Variants in ARID1B observed in about 807,000 individuals in gnomAD.
ARID1B encodes the protein AT-rich interactive domain-containing protein 1B.
Under a neutral mutation model 212.3 loss-of-function variants are expected in ARID1B, and 30 were observed. The ratio of observed to expected loss-of-function variants is 0.14; its 90% CI spans 0.11 to 0.19. The LOEUF is 0.19. Ranked by LOEUF, ARID1B falls within the 10% of genes least tolerant of loss-of-function variation. The pLI is 1.00. For missense variants in ARID1B, 2,891 were observed against 3,204.0 expected (o/e 0.90, Z 2.36); for synonymous variants, 1,402 against 1,301.7 (o/e 1.08, Z -1.66).
chr6:156,805,096 C>G (rs1337615562), intron 1 of ARID1B, among the ~76,000 whole-genome samples: 1 of 152,182 alleles, frequency 6.6e-6, no homozygotes, highest in Non-Finnish European at 1.5e-5. Context: ...CTAATTATAA[C>G]TATGCATTTG....
chr6:156,945,642 C>G (rs1158567402), intron 4 of ARID1B, among the ~76,000 whole-genome samples: 1 of 152,120 alleles, frequency 6.6e-6, no homozygotes, highest in African/African-American at 2.4e-5. Flanking sequence ...TGGAATTATG[C>G]TGTACCCGGA....
chr6:156,951,134 T>C (rs572078269), intron 4 of ARID1B, among the ~76,000 whole-genome samples: 35 of 152,212 alleles, frequency 2.3e-4, no homozygotes, highest in Non-Finnish European at 4.8e-4. Context: ...GTGGCCACTT[T>C]TAACTGAAAG....
chr6:157,119,408 C>T (rs1459788724), intron 6 of ARID1B, among the ~76,000 whole-genome samples: 5 of 152,172 alleles, frequency 3.3e-5, no homozygotes, highest in Admixed American at 3.3e-4. Context: ...CTTATCCAGC[C>T]CCGGCTTCCT....
In ARID1B at chr6:156,777,862, GCGGCGA is replaced by G. The variant is rs1429695642; in HGVS notation, c.188_193del (p.Asp63_Gly64del). 3 of 1,343,338 alleles carry G rather than the reference GCGGCGA, an allele frequency of 2.2e-6. No individual in the cohort carries two copies. Among genetic ancestry groups the G allele is most frequent in the Non-Finnish European group, 1.9e-6 (2 of 1,053,900 alleles). 83.2% of individuals were successfully genotyped at this position (1,343,338 alleles called of 1,614,324 possible). Reference sequence around the variant, plus strand: ...GCACCGGGACCCATGCTGGGGGGCGGCGGCGACGGCGGCGGCGGCCTGAACAGTGTG... The same window carrying G: ...GCACCGGGACCCATGCTGGGGGGCGGCGGCGGCGGCGGCCTGAACAGTGTG... On this transcript the variant is annotated inframe_deletion, in exon 1 of 20. Coordinates refer to ENST00000636930, the MANE Select transcript of ARID1B (RefSeq NM_001374828.1).
At chr6:156,928,075 G>A (rs983212761) in intron 3 of ARID1B, among the ~76,000 whole-genome samples, 6 of 152,176 alleles carry the variant, frequency 3.9e-5, no homozygotes, top group Non-Finnish European at 5.9e-5. Flanking sequence ...AGCAGTGGCC[G>A]CATGGCCCAT....
chr6:156,995,283 T>A (rs1778520953), intron 4 of ARID1B, among the ~76,000 whole-genome samples: 1 of 152,258 alleles, frequency 6.6e-6, no homozygotes, highest in South Asian at 2.1e-4. Flanking sequence ...TCTGTTTACC[T>A]GAAAGGTACA....
At chr6:156,816,704 A>G (rs1781987377) in intron 1 of ARID1B, among the ~76,000 whole-genome samples, 1 of 152,098 alleles carries the variant, frequency 6.6e-6, no homozygotes, top group South Asian at 2.1e-4. Flanking sequence ...TGTTCTAGAA[A>G]TGGGTTTGGA....
chr6:156,873,751 C>G (rs769216888), intron 2 of ARID1B, among the ~76,000 whole-genome samples: 21 of 152,188 alleles, frequency 1.4e-4, no homozygotes, highest in Non-Finnish European at 1.5e-4. Context: ...AAGGATGGCC[C>G]GGTCTTCCCC....
At position 156,983,691 on chromosome 6, in the gene ARID1B, G is replaced by A. The variant is rs186067979; in HGVS notation, c.2247+48115G>A. ...GTTCGGTACTTGCTGTTAATGTACT[G>A]TGTGGCCATTTCACAAACCACCTCA... On this transcript the variant is annotated intron_variant, in intron 4 of 19. Transcript: ENST00000636930. Among the ~76,000 whole-genome samples, 666 of 152,258 alleles carry A rather than the reference G, an allele frequency of 4.4e-3. 4 individuals carry two copies. The highest frequency in any genetic ancestry group is 0.015 in the African/African-American group (634 of 41,536).
chr6:156,849,878 G>A (rs928603309), intron 2 of ARID1B, among the ~76,000 whole-genome samples: 4 of 151,690 alleles, frequency 2.6e-5, no homozygotes, highest in East Asian at 1.9e-4. Context: ...TTTCTCTCTC[G>A]GATTAAAAAT....
chr6:156,926,077 G>A (rs1791194748), intron 3 of ARID1B, among the ~76,000 whole-genome samples: 1 of 152,204 alleles, frequency 6.6e-6, no homozygotes. Context: ...ATCTGTGGCT[G>A]CATAAGGCTT....
chr6:157,109,807 T>C (rs992611375), intron 5 of ARID1B, among the ~76,000 whole-genome samples: 3 of 152,224 alleles, frequency 2.0e-5, no homozygotes, highest in Admixed American at 6.5e-5. Flanking sequence ...GATTCCTGTC[T>C]TAAGGAGTTT....
At chr6:156,871,725 A>G in intron 2 of ARID1B, 3 of 1,539,720 alleles carry the variant, frequency 1.9e-6, no homozygotes, top group Non-Finnish European at 2.7e-6. Flanking sequence ...GGCAGCTGGC[A>G]CATCTGTGTT....
intron 4 of ARID1B, among the ~76,000 whole-genome samples, chr6:157,078,474 G>A (rs895119017): frequency 3.9e-5 from 6 of 152,150 alleles, no homozygotes; most frequent in African/African-American, 1.4e-4. Flanking sequence ...TCTAGTCTAC[G>A]TAACTCCTGA....
intron 4 of ARID1B, chr6:156,936,491 T>G (rs980946644): frequency 6.6e-6 from 1 of 151,880 alleles, no homozygotes; most frequent in African/African-American, 2.4e-5. Flanking sequence ...TTAATTTGCC[T>G]TCTTTTATAG....
chr6:157,132,355 A>G (rs1788609211), intron 6 of ARID1B, among the ~76,000 whole-genome samples: 1 of 152,222 alleles, frequency 6.6e-6, no homozygotes, highest in Non-Finnish European at 1.5e-5. Context: ...ATAAGTCTCA[A>G]GACCCAACAG....
chr6:156,944,358 T>TGCAGGCCATTGGAGAGCC (rs1562500843), intron 4 of ARID1B, among the ~76,000 whole-genome samples: 1 of 152,188 alleles, frequency 6.6e-6, no homozygotes, highest in Non-Finnish European at 1.5e-5. Flanking sequence ...AATCTTACTA[T>TGCAGGCCATTGGAGAGCC]GCAGGCCATT....
At chr6:156,997,826 T>C (rs1778685372) in intron 4 of ARID1B, among the ~76,000 whole-genome samples, 1 of 152,176 alleles carries the variant, frequency 6.6e-6, no homozygotes, top group Non-Finnish European at 1.5e-5. Context: ...ACATATATTA[T>C]TTCTGAAAGA....
At chr6:157,103,265 A>G (rs967307791) in intron 5 of ARID1B, among the ~76,000 whole-genome samples, 1 of 152,122 alleles carries the variant, frequency 6.6e-6, no homozygotes, top group Admixed American at 6.5e-5. Context: ...TTTTCAACAA[A>G]TACTTATTGA....
Sources: gnomAD v4.1 joint callset for allele counts (sites outside exome capture counted in the v4.1 genomes callset) on GRCh38, gnomAD v4.1.1 for gene constraint, MANE v1.5 for transcripts, NCBI Gene and HGNC (gene_info 2026-07-23, HGNC 2026-07-21) for gene names.